DNM3: variants seen among roughly 807,000 people sequenced by gnomAD.
The protein encoded by DNM3 is dynamin-3.
In DNM3, 47 loss-of-function variants were observed where a neutral mutation model predicts 101.6. The observed-to-expected ratio is 0.46, with a 90% CI of 0.37 to 0.59. The LOEUF is 0.59. Ranked by LOEUF, DNM3 falls within the 20% of genes least tolerant of loss-of-function variation. DNM3 has a pLI of 0.00. For synonymous variants in DNM3, 385 were observed against 387.9 expected (o/e 0.99, Z 0.09); for missense variants, 849 against 1,085.7 (o/e 0.78, Z 3.06).
intron 17 of DNM3, among the ~76,000 whole-genome samples, chr1:172,345,444 A>T (rs961267737): frequency 3.3e-5 from 5 of 152,194 alleles, no homozygotes; most frequent in Admixed American, 3.3e-4. Context: ...TCTCCTTATT[A>T]ATTTGGCTCC....
intron 17 of DNM3, among the ~76,000 whole-genome samples, chr1:172,333,344 G>T (rs966800210): frequency 1.3e-4 from 20 of 152,142 alleles, no homozygotes; most frequent in African/African-American, 4.8e-4. Flanking sequence ...GCACTTGTAG[G>T]AAGCTAGAAG....
chr1:171,994,586 C>T (rs1490587280), intron 4 of DNM3, among the ~76,000 whole-genome samples: 1 of 152,106 alleles, frequency 6.6e-6, no homozygotes, highest in Non-Finnish European at 1.5e-5. Flanking sequence ...TGTGTTTGCA[C>T]AAAACCCCAA....
At chr1:172,333,316 T>G (rs1350701789) in intron 17 of DNM3, among the ~76,000 whole-genome samples, 1 of 152,162 alleles carries the variant, frequency 6.6e-6, no homozygotes, top group Non-Finnish European at 1.5e-5. Context: ...TTAAGTAGAC[T>G]GAACAAGTGA....
At chr1:172,415,236 A>G (rs2071386387), downstream of DNM3, 1 of 152,236 alleles carries the variant, frequency 6.6e-6, no homozygotes, top group Admixed American at 6.5e-5. Flanking sequence ...GTTTAGAGAC[A>G]TACATGCATT....
At chr1:172,239,315 T>C (rs2061656717) in intron 14 of DNM3, among the ~76,000 whole-genome samples, 1 of 152,178 alleles carries the variant, frequency 6.6e-6, no homozygotes, top group South Asian at 2.1e-4. Flanking sequence ...GTAAATACAT[T>C]GAAGAGAGAA....
intron 15 of DNM3, among the ~76,000 whole-genome samples, chr1:172,264,916 T>C (rs2062802035): frequency 1.3e-5 from 2 of 152,222 alleles, no homozygotes; most frequent in Non-Finnish European, 1.5e-5. Context: ...AACTATGGAA[T>C]AGGAATTCTG....
intron 12 of DNM3, among the ~76,000 whole-genome samples, chr1:172,083,000 G>A (rs974578198): frequency 1.3e-5 from 2 of 152,166 alleles, no homozygotes; most frequent in Non-Finnish European, 2.9e-5. Flanking sequence ...AGAACCCAAC[G>A]ATAAATATGT....
At chr1:172,220,595 G>T (rs2060871929) in intron 14 of DNM3, among the ~76,000 whole-genome samples, 1 of 152,050 alleles carries the variant, frequency 6.6e-6, no homozygotes, top group South Asian at 2.1e-4. Flanking sequence ...AGGCGGATGG[G>T]AAAGGAACAG....
intron 20 of DNM3, among the ~76,000 whole-genome samples, chr1:172,407,327 C>A: frequency 6.6e-6 from 1 of 151,250 alleles, no homozygotes; most frequent in South Asian, 2.1e-4. Context: ...TGGAGAAAGT[C>A]AAAAAGGCAA....
intron 1 of DNM3, among the ~76,000 whole-genome samples, chr1:171,870,062 C>T (rs1571334473): frequency 1.3e-5 from 2 of 152,156 alleles, no homozygotes; most frequent in African/African-American, 4.8e-5. Context: ...AAGAACTAGC[C>T]ATGGAAGAAC....
At chr1:172,317,290 A>T (rs1246003437) in intron 16 of DNM3, among the ~76,000 whole-genome samples, 13 of 152,046 alleles carry the variant, frequency 8.6e-5, no homozygotes, top group African/African-American at 3.1e-4. Flanking sequence ...AAAGCAGGAA[A>T]GATCCAAAAT....
intron 10 of DNM3, among the ~76,000 whole-genome samples, chr1:172,060,378 C>T (rs1249535153): frequency 2.4e-5 from 2 of 84,056 alleles, no homozygotes; most frequent in African/African-American, 5.2e-5. Context: ...AAAAAGAGCC[C>T]GCATCACCAA....
At chr1:172,011,195 C>A (rs771851476) in intron 4 of DNM3, among the ~76,000 whole-genome samples, 3 of 151,876 alleles carry the variant, frequency 2.0e-5, no homozygotes, top group African/African-American at 7.2e-5. Flanking sequence ...TCAATAAGAT[C>A]TTTCCACTGT....
At chr1:172,177,992 A>G (rs1467732674) in intron 14 of DNM3, among the ~76,000 whole-genome samples, 1 of 151,906 alleles carries the variant, frequency 6.6e-6, no homozygotes, top group Admixed American at 6.6e-5. Context: ...TCCAAACATC[A>G]TAGAGTGTTC....
intron 9 of DNM3, among the ~76,000 whole-genome samples, chr1:172,044,839 T>C (rs980539287): frequency 1.3e-5 from 2 of 152,022 alleles, no homozygotes; most frequent in East Asian, 1.9e-4. Context: ...TTGGGAAAGA[T>C]TAATGGAGGT....
intron 20 of DNM3, among the ~76,000 whole-genome samples, chr1:172,392,551 G>T (rs2069614850): frequency 6.6e-6 from 1 of 152,144 alleles, no homozygotes; most frequent in Non-Finnish European, 1.5e-5. Context: ...ACTATTTTCA[G>T]ATATAGCTTC....
chr1:172,181,375 T>TAC lies in DNM3; in HGVS notation c.1659+50125_1659+50126dup, dbSNP rs55756017. Among the ~76,000 whole-genome samples the TAC allele has an allele frequency of 3.1e-3, 460 of 147,712 alleles. 4 individuals are homozygous for TAC. The highest frequency in any genetic ancestry group is 6.9e-3 in the African/African-American group (281 of 40,632). On this transcript the variant is annotated intron_variant, in intron 14 of 20. Coordinates refer to ENST00000627582, the MANE Select transcript of DNM3 (RefSeq NM_015569.5). ...TCTTATGCTTTAAAACACTTGAGTT[T>TAC]ACACACACACACACACACACACACA...
At chr1:172,157,516 T>C (rs2058385213) in intron 14 of DNM3, among the ~76,000 whole-genome samples, 1 of 152,128 alleles carries the variant, frequency 6.6e-6, no homozygotes, top group Non-Finnish European at 1.5e-5. Context: ...ATTTATTGTA[T>C]TTATGAAGCA....
chr1:172,132,132 G>A (rs1211963524), intron 14 of DNM3, among the ~76,000 whole-genome samples: 12 of 152,146 alleles, frequency 7.9e-5, no homozygotes, highest in Non-Finnish European at 1.6e-4. Flanking sequence ...CTATGTACAG[G>A]TGAGATTCTC....
Sources: allele counts gnomAD v4.1 joint callset (sites outside exome capture counted in the v4.1 genomes callset), GRCh38; gene constraint gnomAD v4.1.1; transcripts MANE v1.5; gene names NCBI Gene and HGNC (gene_info 2026-07-23, HGNC 2026-07-21).